CASP6: variants seen among roughly 807,000 people sequenced by gnomAD.
CASP6 encodes caspase 6, also known as caspase-6.
Under a neutral mutation model 31.8 loss-of-function variants are expected in CASP6, and 20 were observed. The observed-to-expected ratio is 0.63, with a 90% CI of 0.44 to 0.91. The LOEUF is 0.91. Ranked by LOEUF, CASP6 falls within the 40% of genes least tolerant of loss-of-function variation. CASP6 has a pLI of 0.00. For synonymous variants in CASP6, 130 were observed against 127.8 expected (o/e 1.02, Z -0.12); for missense variants, 328 against 361.1 (o/e 0.91, Z 0.74).
At chr4:109,701,656 C>G (rs1479577771) in intron 1 of CASP6, among the ~76,000 whole-genome samples, 1 of 152,222 alleles carries the variant, frequency 6.6e-6, no homozygotes, top group Non-Finnish European at 1.5e-5. Context: ...CTTAAATCAG[C>G]TTAGGTTTTA....
Position 109,694,701 on chromosome 4 carries a change from C to A in CASP6, c.308-1G>T. On this transcript the variant is annotated splice_acceptor_variant, in intron 4 of 6. Transcript: ENST00000265164. LOFTEE classifies it high-confidence loss of function. ...GCATCTGCGTGGCTAACAGTTGACA[C>A]TATAAAGGACCCAAAAGAGAATATA... The A allele has an allele frequency of 1.3e-6, 2 of 1,564,800 alleles. No homozygotes were observed. The highest frequency in any genetic ancestry group is 1.7e-6 in the Non-Finnish European group (2 of 1,158,118).
chr4:109,695,906 GAA>G (rs1730225025), intron 4 of CASP6, among the ~76,000 whole-genome samples: 1 of 152,154 alleles, frequency 6.6e-6, no homozygotes, highest in South Asian at 2.1e-4. Context: ...GAGCTCTGAA[GAA>G]AGTTTAAAGT....
In CASP6 at chr4:109,697,648, G is replaced by A. The variant is rs753132579; in HGVS notation, c.204C>T (p.Cys68=). Residue 68 remains cysteine, a synonymous_variant, in exon 3 of 7, where the codon TGC becomes TGT. Coordinates refer to ENST00000265164, the MANE Select transcript of CASP6 (RefSeq NM_001226.4). ...TGCGGGTAAGATTGTCTCTATCTGCGCAGGTGCCCCGCCTTTCTGGCAGTG... is the reference window on the plus strand; with the variant it reads ...TGCGGGTAAGATTGTCTCTATCTGCACAGGTGCCCCGCCTTTCTGGCAGTG... ...HLTLPERRGT[C]ADRDNLTRRF... The A allele has an allele frequency of 4.3e-6, 7 of 1,612,174 alleles. No individual in the cohort carries two copies. The highest frequency in any genetic ancestry group is 2.7e-5 in the African/African-American group (2 of 74,824).
rs369834228 is a variant in CASP6, at chr4:109,689,124, C to T, written c.*206G>A. 240 of 435,426 alleles carry T rather than the reference C, an allele frequency of 5.5e-4. No homozygotes were observed. Among genetic ancestry groups the T allele is most frequent in the Non-Finnish European group, 9.1e-4 (215 of 236,602 alleles). The allele number at this position is 435,426 out of a possible 1,614,324, so 27.0% of individuals were successfully genotyped here. On this transcript the variant is annotated 3_prime_UTR_variant, in exon 7 of 7. Transcript: ENST00000265164. The stretch of plus-strand genomic sequence containing the variant: ...CCAAGTAGCTGGGATTGCAGGCATG[C>T]GCCGCCATGCCTAGCTAAATTTTTT...
At chr4:109,687,406 C>G, downstream of CASP6, 1 of 707,536 alleles carries the variant, frequency 1.4e-6, no homozygotes. Flanking sequence ...ATAGTTTAAA[C>G]ATTTTATTGC....
rs1385466947 is a variant in CASP6, at chr4:109,689,408, A to G, written c.804T>C (p.Ser268=). 15 of 1,614,094 alleles carry G rather than the reference A, an allele frequency of 9.3e-6. No homozygotes were observed. The highest frequency in any genetic ancestry group is 2.2e-5 in the East Asian group (1 of 44,896). Residue 268 remains serine (S), a synonymous_variant, in exon 7 of 7, where the codon AGT becomes AGC. Coordinates refer to ENST00000265164, the MANE Select transcript of CASP6 (RefSeq NM_001226.4). The part of the protein sequence containing the change: ...QRRVDFCKDP[S]AIGKKQVPCF... ...AGGGAACCTGCTTCTTTCCAATTGC[A>G]CTTGGGTCTTTGCAAAAGTCCACTC... is the stretch of plus-strand genomic sequence containing the variant.
chr4:109,691,312 T>G (rs1048177361), intron 5 of CASP6, among the ~76,000 whole-genome samples: 1 of 152,236 alleles, frequency 6.6e-6, no homozygotes, highest in Non-Finnish European at 1.5e-5. Flanking sequence ...TTCTTACAGA[T>G]TAACCACACC....
At chr4:109,705,974 T>TAAAA (rs59584573), upstream of CASP6, among the ~76,000 whole-genome samples, 3 of 29,398 alleles carry the variant, frequency 1.0e-4, no homozygotes, top group Non-Finnish European at 1.4e-4. Flanking sequence ...AGACACTCTT[T>TAAAA]AAAAAAAAAA....
At position 109,696,432 on chromosome 4, in the gene CASP6, T is replaced by G. The variant is rs753833596; in HGVS notation, c.285A>C (p.Glu95Asp). 3.7e-6 allele frequency: 6 copies of G among 1,612,434 alleles called. No individual in the cohort carries two copies. In the African/African-American group the frequency reaches 4.0e-5, roughly 11 times the overall value. The change falls in exon 4 of 7, where the codon GAA becomes GAC. Residue 95 changes from glutamate to aspartate, a missense_variant. Coordinates refer to ENST00000265164, the MANE Select transcript of CASP6 (RefSeq NM_001226.4). ...VKCFNDLKAE[E>D]LLLKIHEVST... ...TACCCTCATGAATTTTGAGCAGTAG[T>G]TCTTCTGCTTTAAGATCATTAAAGC...
At chr4:109,676,057 A>G in the CASP6 span, among the ~76,000 whole-genome samples, 1 of 152,244 alleles carries the variant, frequency 6.6e-6, no homozygotes, top group Non-Finnish European at 1.5e-5. Context: ...AAAAGGTGGA[A>G]GTGGCTTTGG....
At position 109,694,651 on chromosome 4, in the gene CASP6, C is replaced by G. The variant is rs769058202; in HGVS notation, c.357G>C (p.Leu119=). Residue 119 remains leucine, a synonymous_variant, in exon 5 of 7, where the codon CTG becomes CTC. Transcript: ENST00000265164. Reference sequence around the variant, plus strand: ...AAATGTGATTGCCTTCGCCATGGCTCAGGAAGACACACACAAAGCAATCGG... The same window carrying G: ...AAATGTGATTGCCTTCGCCATGGCTGAGGAAGACACACACAAAGCAATCGG... ...ADADCFVCVF[L]SHGEGNHIYA... is the part of the protein sequence containing the mutation. 2.6e-5 allele frequency: 42 copies of G among 1,611,326 alleles called. No homozygotes were observed. The highest frequency in any genetic ancestry group is 2.0e-4 in the Admixed American group (12 of 59,432).
chr4:109,675,154 G>A, the CASP6 span, among the ~76,000 whole-genome samples: 1 of 152,232 alleles, frequency 6.6e-6, no homozygotes, highest in African/African-American at 2.4e-5. Context: ...ATTAGGAAAT[G>A]CCACAGACAA....
chr4:109,705,710 G>A (rs1730578697), upstream of CASP6, among the ~76,000 whole-genome samples: 2 of 151,714 alleles, frequency 1.3e-5, no homozygotes, highest in Admixed American at 1.3e-4. Context: ...AGCCACAGTG[G>A]CTCATGCCTG....
At chr4:109,681,349 TTGTC>T in the CASP6 span, 2 of 348,164 alleles carry the variant, frequency 5.7e-6, no homozygotes, top group East Asian at 9.2e-5. Context: ...CTACTAAAGT[TTGTC>T]TGTAGATTCC....
chr4:109,706,001 AATATATATATAT>A (rs58700813), upstream of CASP6, among the ~76,000 whole-genome samples: 263 of 31,656 alleles, frequency 8.3e-3, 12 homozygotes, highest in East Asian at 0.026. Context: ...AAAAAAAAAA[AATATATATATAT>A]ATATATATAT....
chr4:109,684,533 C>G, downstream of CASP6: 1 of 1,613,440 alleles, frequency 6.2e-7, no homozygotes, highest in Non-Finnish European at 8.5e-7. Flanking sequence ...GGGTGGGGCA[C>G]TGGCCTGGCT....
the CASP6 span, among the ~76,000 whole-genome samples, chr4:109,681,023 G>GT: frequency 2.6e-5 from 4 of 152,168 alleles, no homozygotes; most frequent in African/African-American, 9.7e-5. Context: ...CTCTGAAACC[G>GT]TAACTCCTGT....
downstream of CASP6, among the ~76,000 whole-genome samples, chr4:109,686,692 A>T (rs1318375182): frequency 6.6e-6 from 1 of 152,114 alleles, no homozygotes; most frequent in Non-Finnish European, 1.5e-5. Flanking sequence ...TAGTCAACAT[A>T]GTGAGACCTC....
chr4:109,687,162 C>T (rs1579102217), downstream of CASP6, among the ~76,000 whole-genome samples: 1 of 151,858 alleles, frequency 6.6e-6, no homozygotes, highest in East Asian at 1.9e-4. Context: ...CAAGACCAGC[C>T]AGAGCAACAT....
Sources: gnomAD v4.1 joint callset for allele counts (sites outside exome capture counted in the v4.1 genomes callset) on GRCh38, gnomAD v4.1.1 for gene constraint, MANE v1.5 for transcripts, NCBI Gene and HGNC (gene_info 2026-07-23, HGNC 2026-07-21) for gene names.